The following DNAJC6 variants were observed in gnomAD, a reference collection of about 807,000 sequenced individuals.
DNAJC6 encodes DnaJ heat shock protein family (Hsp40) member C6, also known as auxilin.
In DNAJC6, 34 loss-of-function variants were observed where a neutral mutation model predicts 110.0. That is an observed-to-expected ratio of 0.31 (90% CI 0.24 to 0.41). The LOEUF (loss-of-function observed/expected upper bound fraction) is 0.41. Among genes scored for constraint, DNAJC6 ranks in the 10% least tolerant of loss-of-function variants. The pLI, the probability that DNAJC6 is intolerant of heterozygous loss-of-function variation, is 1.00. For missense variants in DNAJC6, 1,031 were observed against 1,207.8 expected (o/e 0.85, Z 2.17); for synonymous variants, 406 against 437.2 (o/e 0.93, Z 0.89).
At chr1:65,302,145 T>A (rs916341677) in intron 1 of DNAJC6, among the ~76,000 whole-genome samples, 6 of 142,470 alleles carry the variant, frequency 4.2e-5, no homozygotes, top group Non-Finnish European at 9.1e-5. Flanking sequence ...ATAATACGTA[T>A]TATATATATT....
chr1:65,289,383 G>A (rs183991676), intron 1 of DNAJC6, among the ~76,000 whole-genome samples: 1 of 152,260 alleles, frequency 6.6e-6, no homozygotes, highest in East Asian at 1.9e-4. Flanking sequence ...TTTTAGTAGA[G>A]ACGGGGTTTT....
intron 1 of DNAJC6, among the ~76,000 whole-genome samples, chr1:65,301,967 T>C (rs1168353994): frequency 2.0e-5 from 3 of 148,710 alleles, no homozygotes; most frequent in Non-Finnish European, 4.5e-5. Flanking sequence ...AGTAGGGAGG[T>C]AGAACATCAG....
At chr1:65,303,174 T>G (rs1645005385) in intron 1 of DNAJC6, among the ~76,000 whole-genome samples, 1 of 152,142 alleles carries the variant, frequency 6.6e-6, no homozygotes, top group South Asian at 2.1e-4. Flanking sequence ...AAAATAAAGT[T>G]TTTTGGTATT....
intron 1 of DNAJC6, among the ~76,000 whole-genome samples, chr1:65,270,948 G>A (rs1281079794): frequency 3.3e-5 from 5 of 152,052 alleles, no homozygotes; most frequent in Admixed American, 3.3e-4. Context: ...CAAAGTGCTG[G>A]GATTACAGGT....
intron 4 of DNAJC6, among the ~76,000 whole-genome samples, chr1:65,374,250 C>T (rs537139045): frequency 6.6e-6 from 1 of 151,322 alleles, no homozygotes; most frequent in Admixed American, 6.6e-5. Flanking sequence ...CTCAGGGTGG[C>T]TTTGGCTATT....
intron 12 of DNAJC6, among the ~76,000 whole-genome samples, chr1:65,393,409 C>A (rs1410617189): frequency 1.3e-5 from 2 of 152,184 alleles, no homozygotes; most frequent in African/African-American, 4.8e-5. Context: ...GGCTTTCCCT[C>A]TGTTTTCCTA....
In DNAJC6 at chr1:65,322,612, GA is replaced by G. The variant is rs1337734580; in HGVS notation, c.193+12679del. On this transcript the variant is annotated intron_variant, in intron 1 of 18. Transcript: ENST00000371069. The stretch of plus-strand genomic sequence containing the variant: ...TATTGTATATGCAGTATACCTGTGG[GA>G]AAAATTCCTAGAAGTGGAATTACTA... Among the ~76,000 whole-genome samples, 8 of 152,258 alleles carry G rather than the reference GA, an allele frequency of 5.3e-5. No homozygotes were observed. The East Asian group carries it at 1.5e-3, about 29-fold the overall frequency.
chr1:65,374,120 A>G (rs1393167267), intron 4 of DNAJC6, among the ~76,000 whole-genome samples: 2 of 152,010 alleles, frequency 1.3e-5, no homozygotes, highest in South Asian at 2.1e-4. Flanking sequence ...TGGGTTCTCT[A>G]TTTTGTTCCA....
intron 13 of DNAJC6, among the ~76,000 whole-genome samples, chr1:65,398,036 TCATCATGG>T (rs1381711494): frequency 6.6e-6 from 1 of 152,200 alleles, no homozygotes; most frequent in Non-Finnish European, 1.5e-5. Flanking sequence ...AAGAAATTCT[TCATCATGG>T]CATCCTGTTT....
At chr1:65,283,161 C>T (rs1451977197) in intron 1 of DNAJC6, among the ~76,000 whole-genome samples, 1 of 152,138 alleles carries the variant, frequency 6.6e-6, no homozygotes, top group South Asian at 2.1e-4. Context: ...GTCACACATG[C>T]ACTAGTTTAT....
intron 1 of DNAJC6, among the ~76,000 whole-genome samples, chr1:65,359,310 A>G (rs1483014188): frequency 6.6e-5 from 10 of 152,188 alleles, no homozygotes; most frequent in African/African-American, 1.2e-4. Context: ...GGTTCCTACA[A>G]CTTGGAAGGA....
chr1:65,399,455 G>A lies in DNAJC6; in HGVS notation c.2107+574G>A, dbSNP rs1038303970. Among the ~76,000 whole-genome samples, 6 of 152,114 alleles carry A rather than the reference G, an allele frequency of 3.9e-5. No homozygotes were observed. The South Asian group carries it at 8.3e-4, about 21-fold the overall frequency. On this transcript the variant is annotated intron_variant, in intron 14 of 18. Coordinates refer to ENST00000371069, the MANE Select transcript of DNAJC6 (RefSeq NM_001256864.2). ...GACATTGAGCAAGTTAAGTGCACGC[G>A]TGCACATACAAACACATACACAATG...
At chr1:65,267,534 A>T (rs148059283) in intron 1 of DNAJC6, among the ~76,000 whole-genome samples, 9 of 152,258 alleles carry the variant, frequency 5.9e-5, no homozygotes, top group African/African-American at 2.2e-4. Flanking sequence ...GCATGTGGGT[A>T]TAAGCCGTAT....
intron 1 of DNAJC6, among the ~76,000 whole-genome samples, chr1:65,291,176 G>T (rs1342134372): frequency 6.6e-6 from 1 of 152,108 alleles, no homozygotes; most frequent in Non-Finnish European, 1.5e-5. Context: ...GGAATTACAG[G>T]CATACACCAC....
At chr1:65,320,746 A>G (rs890610448) in intron 1 of DNAJC6, among the ~76,000 whole-genome samples, 6 of 152,122 alleles carry the variant, frequency 3.9e-5, no homozygotes, top group Non-Finnish European at 8.8e-5. Context: ...ATATGGTTCT[A>G]TGGTATGCTA....
At chr1:65,398,503 GGAGACA>G (rs545194780) in intron 13 of DNAJC6, among the ~76,000 whole-genome samples, 358 of 152,292 alleles carry the variant, frequency 2.4e-3, no homozygotes, top group Non-Finnish European at 3.4e-3. Flanking sequence ...ACAATTGAAT[GGAGACA>G]GACACATGCT....
intron 4 of DNAJC6, among the ~76,000 whole-genome samples, chr1:65,373,627 TG>T (rs1324730485): frequency 1.2e-4 from 14 of 116,186 alleles, no homozygotes; most frequent in East Asian, 8.2e-4. Context: ...GTTTTTAATT[TG>T]TTTTTTTTTT....
intron 11 of DNAJC6, 74 bp downstream of exon 11, chr1:65,389,701 A>G: frequency 1.3e-6 from 2 of 1,507,968 alleles, no homozygotes; most frequent in Non-Finnish European, 9.2e-7. Context: ...TTGGCCCTAG[A>G]AGCAGACTAC....
At chr1:65,402,281 G>C (rs1646037156) in intron 15 of DNAJC6, among the ~76,000 whole-genome samples, 1 of 152,016 alleles carries the variant, frequency 6.6e-6, no homozygotes, top group African/African-American at 2.4e-5. Context: ...GATGTTACCT[G>C]TGAGATCTTC....
Sources: gnomAD v4.1 joint callset for allele counts (sites outside exome capture counted in the v4.1 genomes callset) on GRCh38, gnomAD v4.1.1 for gene constraint, MANE v1.5 for transcripts, NCBI Gene and HGNC (gene_info 2026-07-23, HGNC 2026-07-21) for gene names.